The following NEK4 variants were observed in gnomAD, a reference collection of about 807,000 sequenced individuals.
The protein encoded by NEK4 is serine/threonine-protein kinase Nek4.
Under a neutral mutation model 98.4 loss-of-function variants are expected in NEK4, and 86 were observed. The observed-to-expected ratio is 0.87, with a 90% CI of 0.73 to 1.05. The LOEUF (loss-of-function observed/expected upper bound fraction) is 1.05, where lower values mean the gene tolerates loss of function less well. NEK4 is among the 50% of genes least tolerant of loss of function. NEK4 has a pLI of 0.00. For synonymous variants in NEK4, 328 were observed against 342.2 expected, an observed-to-expected ratio of 0.96 and a Z score of 0.46; for missense variants, 898 against 950.3, an observed-to-expected ratio of 0.94 and a Z score of 0.72.
At position 52,711,525 on chromosome 3, in the gene NEK4, C is replaced by A; in HGVS notation, c.*252G>T. ...ACTTGGTGGATTAAGGCTCAGTAAA[C>A]AGTAATCAAACAAACAACAGATTTG... On this transcript the variant is annotated 3_prime_UTR_variant, in exon 16 of 16. Transcript: ENST00000233027. The A allele has an allele frequency of 3.1e-6, 1 of 324,782 alleles. No individual in the cohort carries two copies. The highest frequency in any genetic ancestry group is 5.6e-6 in the Non-Finnish European group (1 of 180,062). The allele number at this position is 324,782 out of a possible 1,614,324, so 20.1% of individuals were successfully genotyped here. A position where few individuals can be genotyped will look rare whatever the true frequency, so the allele number is the denominator to read the frequency against.
At chr3:52,739,336 T>A in intron 14 of NEK4, 93 bp downstream of exon 14, 1 of 1,028,926 alleles carries the variant, frequency 9.7e-7, no homozygotes, top group Non-Finnish European at 1.5e-6. Context: ...GAGGCAAAGG[T>A]TGCAGTGAGC....
chr3:52,713,385 C>G (rs1346991470), intron 15 of NEK4, among the ~76,000 whole-genome samples: 3 of 152,226 alleles, frequency 2.0e-5, no homozygotes, highest in Non-Finnish European at 4.4e-5. Context: ...TGAATCCTCT[C>G]TCTCTCAGGG....
Position 52,710,769 on chromosome 3 carries a change from A to AAAC in NEK4, c.*1005_*1007dup, listed in dbSNP as rs2097349612. ...AGAGTGAAACTCTGTCTCAAAAAAAAAACACCTGAAAACATTTCTGGAGCA... is the reference window on the plus strand; with the variant it reads ...AGAGTGAAACTCTGTCTCAAAAAAAAAACAACACCTGAAAACATTTCTGGAGCA... On this transcript the variant is annotated 3_prime_UTR_variant, in exon 16 of 16. Coordinates refer to ENST00000233027, the MANE Select transcript of NEK4 (RefSeq NM_003157.6). 3 of 152,186 alleles carry AAAC rather than the reference A, an allele frequency of 2.0e-5. No individual in the cohort carries two copies. Among genetic ancestry groups the AAAC allele is most frequent in the Admixed American group, 1.3e-4 (2 of 15,278 alleles). The allele number at this position is 152,186 out of a possible 1,614,324, so 9.4% of individuals were successfully genotyped here.
intron 15 of NEK4, chr3:52,734,666 CAA>C (rs59075830): frequency 0.011 from 813 of 71,372 alleles, 2 homozygotes; most frequent in African/African-American, 0.035. Flanking sequence ...GACTCCGTCT[CAA>C]AAAAAAAAAA....
At position 52,710,286 on chromosome 3, in the gene NEK4, A is replaced by AC. The variant is rs2097349096; in HGVS notation, c.*1490dup. On this transcript the variant is annotated 3_prime_UTR_variant, in exon 16 of 16. Transcript: ENST00000233027. ...AGGATGAGGTAGGAGAATGGAGTGA[A>AC]CCTGGGAGGCGGAGCTTGCAGTGAT... is the stretch of plus-strand genomic sequence containing the variant. The AC allele has an allele frequency of 6.6e-6, 1 of 152,006 alleles. No homozygotes were observed. Among genetic ancestry groups the AC allele is most frequent in the African/African-American group, 2.4e-5 (1 of 41,368 alleles). 9.4% of individuals were successfully genotyped at this position (152,006 alleles called of 1,614,324 possible). A position where few individuals can be genotyped will look rare whatever the true frequency, so the allele number is the denominator to read the frequency against.
chr3:52,716,456 G>A (rs1487675913), intron 15 of NEK4, among the ~76,000 whole-genome samples: 1 of 152,200 alleles, frequency 6.6e-6, no homozygotes, highest in Non-Finnish European at 1.5e-5. Flanking sequence ...AGCTCTCTCT[G>A]TTTTAATCTT....
At chr3:52,741,063 T>A (rs1314744410) in intron 13 of NEK4, among the ~76,000 whole-genome samples, 1 of 150,998 alleles carries the variant, frequency 6.6e-6, no homozygotes, top group Non-Finnish European at 1.5e-5. Flanking sequence ...TGAAACGCCA[T>A]CTCTACTAAA....
chr3:52,746,727 G>T lies in NEK4; in HGVS notation c.1677+7C>A. ...TCCACCTCCCAAACCAAAGCAAAATGACTTACAGCAAAGAGATCTCTGCGG... is the reference window on the plus strand; with the variant it reads ...TCCACCTCCCAAACCAAAGCAAAATTACTTACAGCAAAGAGATCTCTGCGG... On this transcript the variant is annotated splice_region_variant and intron_variant, in intron 9 of 15. Coordinates refer to ENST00000233027, the MANE Select transcript of NEK4 (RefSeq NM_003157.6). The T allele has an allele frequency of 6.3e-7, 1 of 1,591,472 alleles. No individual in the cohort carries two copies. The highest frequency in any genetic ancestry group is 1.1e-5 in the South Asian group (1 of 87,190).
rs371751572 is a variant in NEK4 at position 52,764,309 on chromosome 3, A to C, written c.667-685T>G. Among the ~76,000 whole-genome samples, 20 of 150,200 alleles carry C rather than the reference A, an allele frequency of 1.3e-4. 1 individual carries two copies. The East Asian group carries it at 4.1e-3, about 31-fold the overall frequency. On this transcript the variant is annotated intron_variant, in intron 4 of 15. Transcript: ENST00000233027. Reference sequence around the variant, plus strand: ...TCAAAAAAAAAAAAAAAGAAAGAAAAGAAACGAAACTAGGCAGCAGGTTAA... The same window carrying C: ...TCAAAAAAAAAAAAAAAGAAAGAAACGAAACGAAACTAGGCAGCAGGTTAA...
chr3:52,713,794 CAAAAAAA>C (rs10554436), intron 15 of NEK4, among the ~76,000 whole-genome samples: 2 of 83,338 alleles, frequency 2.4e-5, no homozygotes, highest in Admixed American at 1.4e-4. Context: ...AACTCCCTCT[CAAAAAAA>C]AAAAAAAAAA....
chr3:52,720,152 A>G (rs887214018), intron 15 of NEK4, among the ~76,000 whole-genome samples: 2 of 152,034 alleles, frequency 1.3e-5, no homozygotes, highest in African/African-American at 2.4e-5. Context: ...GCGTGGTGGC[A>G]TATGCCTGTA....
Position 52,763,613 on chromosome 3 carries a change from C to A in NEK4, c.678G>T (p.Met226Ile). 1 of 1,591,938 alleles carries A rather than the reference C, an allele frequency of 6.3e-7. No individual in the cohort carries two copies. Among genetic ancestry groups the A allele is most frequent in the Admixed American group, 1.8e-5 (1 of 54,974 alleles). ...CCAGCTCTGGGCTGTAATCTCTTGG[C>A]ATTGGTGGCAGCTACAAATAAAAAT... is the stretch of plus-strand genomic sequence containing the variant. Reference protein sequence around the residue: ...YRIIEGKLPPMPRDYSPELAE... With the variant: ...YRIIEGKLPPIPRDYSPELAE... Residue 226 changes from methionine to isoleucine, a missense_variant, in exon 5 of 16, where the codon ATG (methionine) becomes ATT (isoleucine). Transcript: ENST00000233027.
At chr3:52,754,096 A>C (rs2154105542) in intron 6 of NEK4, 1 of 248,564 alleles carries the variant, frequency 4.0e-6, no homozygotes, top group South Asian at 5.0e-5. Context: ...CAGGAGGCAG[A>C]GGTTGCGGTG....
chr3:52,712,216 T>C (rs2097351073), intron 15 of NEK4, among the ~76,000 whole-genome samples: 1 of 152,240 alleles, frequency 6.6e-6, no homozygotes, highest in Non-Finnish European at 1.5e-5. Context: ...CATTTATATA[T>C]GTATGTAAAT....
At chr3:52,729,709 CA>C (rs1309141148) in intron 15 of NEK4, among the ~76,000 whole-genome samples, 163 of 36,580 alleles carry the variant, frequency 4.5e-3, no homozygotes, top group Non-Finnish European at 6.1e-3. Context: ...CTCTGTGTCT[CA>C]AAAAAAAAAA....
At chr3:52,712,118 C>T (rs1234066233) in intron 15 of NEK4, among the ~76,000 whole-genome samples, 1 of 152,086 alleles carries the variant, frequency 6.6e-6, no homozygotes, top group African/African-American at 2.4e-5. Context: ...TAATAGCATT[C>T]GTATATAAAG....
intron 15 of NEK4, among the ~76,000 whole-genome samples, chr3:52,715,989 G>A (rs935721628): frequency 3.9e-5 from 6 of 152,192 alleles, no homozygotes; most frequent in African/African-American, 1.4e-4. Flanking sequence ...GTCCCCTGGT[G>A]CCAGCAGTGG....
intron 5 of NEK4, 92 bp downstream of exon 5, chr3:52,763,378 C>T: frequency 7.9e-7 from 1 of 1,259,180 alleles, no homozygotes; most frequent in Non-Finnish European, 1.1e-6. Context: ...TTTAAGAAAA[C>T]TCACCATTAA....
At chr3:52,729,876 C>T (rs966083946) in intron 15 of NEK4, among the ~76,000 whole-genome samples, 16 of 151,846 alleles carry the variant, frequency 1.1e-4, no homozygotes, top group African/African-American at 2.7e-4. Flanking sequence ...TTTGGGAAGC[C>T]GAGGTAGGTG....
Sources: gnomAD v4.1 joint callset for allele counts (sites outside exome capture counted in the v4.1 genomes callset) on GRCh38, gnomAD v4.1.1 for gene constraint, MANE v1.5 for transcripts, NCBI Gene and HGNC (gene_info 2026-07-23, HGNC 2026-07-21) for gene names.